The following GATAD2A variants were observed in gnomAD, a reference collection of about 807,000 sequenced individuals.
The protein encoded by GATAD2A is transcriptional repressor p66-alpha.
A neutral mutation model predicts 68.5 loss-of-function variants in GATAD2A; 12 were observed. That is an observed-to-expected ratio of 0.18 (90% CI 0.11 to 0.28). The LOEUF (loss-of-function observed/expected upper bound fraction) is 0.28. Ranked by LOEUF, GATAD2A falls within the 10% of genes least tolerant of loss-of-function variation. The pLI, the probability that GATAD2A is intolerant of heterozygous loss-of-function variation, is 1.00. For missense variants in GATAD2A, 755 were observed against 868.5 expected, an observed-to-expected ratio of 0.87 and a Z score of 1.64; for synonymous variants, 410 against 375.3, an observed-to-expected ratio of 1.09 and a Z score of -1.07.
At chr19:19,432,144 T>C (rs560032747) in intron 1 of GATAD2A, among the ~76,000 whole-genome samples, 1 of 151,730 alleles carries the variant, frequency 6.6e-6, no homozygotes, top group African/African-American at 2.4e-5. Context: ...GTTGGCTAAT[T>C]TTGTATTTTT....
rs2060963227 is a variant in GATAD2A at position 19,508,514 on chromosome 19, C to G, written c.*3040C>G. 1.3e-5 allele frequency: 2 copies of G among 152,244 alleles called. No individual in the cohort carries two copies. The highest frequency in any genetic ancestry group is 1.3e-4 in the Admixed American group (2 of 15,286). 9.4% of individuals were successfully genotyped at this position (152,244 alleles called of 1,614,324 possible). ...CGCTGGGCCCCGTGGCTCCTGCTCT[C>G]CTATTGGACGTAGAGGCAGGGGAGA... On this transcript the variant is annotated 3_prime_UTR_variant, in exon 12 of 12. Coordinates refer to ENST00000683918, the MANE Select transcript of GATAD2A (RefSeq NM_001384528.1).
chr19:19,484,525 T>TTTTTTC (rs2059285764), intron 2 of GATAD2A, among the ~76,000 whole-genome samples: 2 of 146,794 alleles, frequency 1.4e-5, no homozygotes, highest in Admixed American at 6.8e-5. Context: ...TTTCTTTTTT[T>TTTTTTC]TTTTTTCTTT....
chr19:19,394,125 C>A (rs1359944377), intron 1 of GATAD2A, among the ~76,000 whole-genome samples: 1 of 151,918 alleles, frequency 6.6e-6, no homozygotes, highest in East Asian at 1.9e-4. Flanking sequence ...TGAGCTCAAG[C>A]AATCCTCCCG....
chr19:19,406,002 C>G lies in GATAD2A; in HGVS notation c.-24C>G, dbSNP rs1475270065. The stretch of plus-strand genomic sequence containing the variant: ...GTAACCTGCGCGCTGCCCTAGGGCC[C>G]GGCCGACCCGCGGCCCGGTAAGTTC... On this transcript the variant is annotated 5_prime_UTR_variant, in exon 1 of 12. Coordinates refer to ENST00000683918, the MANE Select transcript of GATAD2A (RefSeq NM_001384528.1). 1 of 151,034 alleles carries G rather than the reference C, an allele frequency of 6.6e-6. No homozygotes were observed. The highest frequency in any genetic ancestry group is 1.5e-5 in the Non-Finnish European group (1 of 67,734). The allele number at this position is 151,034 out of a possible 1,614,324, so 9.4% of individuals were successfully genotyped here.
rs141678692 is a variant in GATAD2A at position 19,505,378 on chromosome 19, G to C, written c.1809G>C (p.Ala603=). The change falls in exon 12 of 12, where the codon GCG becomes GCC. Residue 603 remains alanine, a synonymous_variant. Coordinates refer to ENST00000683918, the MANE Select transcript of GATAD2A (RefSeq NM_001384528.1). ...TTGCGTTTGTCAGCCCAAGCCTGGC[G>C]GTGCACAAGAGCTCCTCGGCCGTGG... is the stretch of plus-strand genomic sequence containing the variant. ...GTLAFVSPSL[A]VHKSSSAVDR... 1 of 1,613,252 alleles carries C rather than the reference G, an allele frequency of 6.2e-7. No individual in the cohort carries two copies. The highest frequency in any genetic ancestry group is 1.7e-5 in the Admixed American group (1 of 59,964).
rs781515510 is a variant in GATAD2A, at chr19:19,502,307, G to A, written c.1579-24G>A. 1.3e-5 allele frequency: 21 copies of A among 1,569,738 alleles called. No homozygotes were observed. The South Asian group carries it at 2.0e-4, about 15-fold the overall frequency. On this transcript the variant is annotated intron_variant, in intron 10 of 11. Transcript: ENST00000683918. The stretch of plus-strand genomic sequence containing the variant: ...CTGCTGTCTTTTCCCTGCATGAGCC[G>A]TCACCCCCCTTTCTCCACTGCAGGC...
intron 7 of GATAD2A, among the ~76,000 whole-genome samples, chr19:19,498,008 G>T (rs922154884): frequency 6.6e-6 from 1 of 152,202 alleles, no homozygotes; most frequent in Admixed American, 6.5e-5. Flanking sequence ...ATGCAGAGAG[G>T]CTCATGGGGG....
intron 1 of GATAD2A, chr19:19,386,186 C>T (rs912070650): frequency 6.6e-6 from 1 of 152,358 alleles, no homozygotes; most frequent in African/African-American, 2.4e-5. Flanking sequence ...TTCCGGTGCC[C>T]CAGGCTCTCT....
intron 1 of GATAD2A, among the ~76,000 whole-genome samples, chr19:19,417,477 AGG>A (rs907709138): frequency 2.0e-4 from 30 of 152,102 alleles, no homozygotes; most frequent in Non-Finnish European, 3.8e-4. Flanking sequence ...CCTGTGGAGA[AGG>A]GGTTCCTCTG....
At chr19:19,421,926 G>T (rs919180657) in intron 1 of GATAD2A, among the ~76,000 whole-genome samples, 1 of 151,854 alleles carries the variant, frequency 6.6e-6, no homozygotes, top group Non-Finnish European at 1.5e-5. Flanking sequence ...GGTTCAAGCA[G>T]TTCTCCTGCC....
At chr19:19,478,435 T>C (rs2058821751) in intron 2 of GATAD2A, among the ~76,000 whole-genome samples, 1 of 151,866 alleles carries the variant, frequency 6.6e-6, no homozygotes, top group Admixed American at 6.6e-5. Flanking sequence ...TCCCCGTTGC[T>C]ACAAAAAAAG....
intron 1 of GATAD2A, among the ~76,000 whole-genome samples, chr19:19,430,686 T>A (rs1046323879): frequency 6.6e-6 from 1 of 152,250 alleles, no homozygotes. Context: ...GATCAGGTGC[T>A]GACAGCTGCA....
Position 19,505,711 on chromosome 19 carries a change from G to T in GATAD2A, c.*237G>T. The T allele has an allele frequency of 2.1e-6, 1 of 474,650 alleles. No homozygotes were observed. Among genetic ancestry groups the T allele is most frequent in the Non-Finnish European group, 3.7e-6 (1 of 272,022 alleles). The allele number at this position is 474,650 out of a possible 1,614,324, so 29.4% of individuals were successfully genotyped here. A position where few individuals can be genotyped will look rare whatever the true frequency, so the allele number is the denominator to read the frequency against. Reference sequence around the variant, plus strand: ...GGATCATCGCTGGGGGACCTTTCCCGTGGGCTTTCTTCCTTTCTCTCTTTG... The same window carrying T: ...GGATCATCGCTGGGGGACCTTTCCCTTGGGCTTTCTTCCTTTCTCTCTTTG... On this transcript the variant is annotated 3_prime_UTR_variant, in exon 12 of 12. Coordinates refer to ENST00000683918, the MANE Select transcript of GATAD2A (RefSeq NM_001384528.1).
chr19:19,469,381 A>G (rs1055428557), intron 2 of GATAD2A, among the ~76,000 whole-genome samples: 1 of 149,874 alleles, frequency 6.7e-6, no homozygotes, highest in Non-Finnish European at 1.5e-5. Flanking sequence ...GCAGTGAGCC[A>G]AGATCGCGCC....
chr19:19,454,284 C>T (rs1231109860), intron 1 of GATAD2A, among the ~76,000 whole-genome samples: 3 of 151,118 alleles, frequency 2.0e-5, no homozygotes, highest in South Asian at 2.1e-4. Flanking sequence ...GCATGAGCCA[C>T]CACACCCGGC....
At chr19:19,491,235 C>G (rs1448679625) in intron 2 of GATAD2A, among the ~76,000 whole-genome samples, 1 of 152,190 alleles carries the variant, frequency 6.6e-6, no homozygotes, top group Admixed American at 6.5e-5. Flanking sequence ...ATCAGCCACA[C>G]TCTTAGACGT....
intron 2 of GATAD2A, among the ~76,000 whole-genome samples, chr19:19,476,881 G>T (rs562496150): frequency 6.6e-6 from 1 of 152,300 alleles, no homozygotes; most frequent in African/African-American, 2.4e-5. Context: ...ATCTTTCTGA[G>T]GTTTTTCTTC....
intron 8 of GATAD2A, among the ~76,000 whole-genome samples, chr19:19,499,790 T>G (rs1048624858): frequency 2.0e-5 from 3 of 151,780 alleles, no homozygotes; most frequent in African/African-American, 7.2e-5. Context: ...CCTCAGTCGC[T>G]CTCGTAACTC....
rs376911582 is a variant in GATAD2A at position 19,484,825 on chromosome 19, G to A, written c.270-7481G>A. 3.8e-3 allele frequency among the ~76,000 whole-genome samples: 576 copies of A among 152,232 alleles called. 7 individuals carry two copies. The highest frequency in any genetic ancestry group is 0.014 in the African/African-American group (561 of 41,546). ...TGGGATTACAGGCGTGAGCCACCGC[G>A]CCCAGCCTGTCATAGGATTTTTCTA... is the stretch of plus-strand genomic sequence containing the variant. On this transcript the variant is annotated intron_variant, in intron 2 of 11. Transcript: ENST00000683918.
Sources: gnomAD v4.1 joint callset for allele counts (sites outside exome capture counted in the v4.1 genomes callset) on GRCh38, gnomAD v4.1.1 for gene constraint, MANE v1.5 for transcripts, NCBI Gene and HGNC (gene_info 2026-07-23, HGNC 2026-07-21) for gene names.